Variants in VPS41 observed in about 807,000 individuals in gnomAD.
VPS41 encodes the protein VPS41 subunit of HOPS complex.
Under a neutral mutation model 130.9 loss-of-function variants are expected in VPS41, and 85 were observed. The observed-to-expected ratio is 0.65, with a 90% confidence interval of 0.55 to 0.78. VPS41 has a LOEUF of 0.78. VPS41 is among the 30% of genes least tolerant of loss of function. The pLI is 0.00. For synonymous variants in VPS41, 335 were observed against 332.9 expected (o/e 1.01, Z -0.07); for missense variants, 874 against 1,018.7 (o/e 0.86, Z 1.93).
chr7:38,751,881 C>CTTCTAATATATCAT (rs1181811912), intron 22 of VPS41, among the ~76,000 whole-genome samples: 3 of 152,184 alleles, frequency 2.0e-5, no homozygotes, highest in African/African-American at 7.2e-5. Context: ...TGGACTGAGA[C>CTTCTAATATATCAT]TTCTAATATA....
chr7:38,795,349 T>C, intron 9 of VPS41, 116 bp downstream of exon 9: 1 of 775,300 alleles, frequency 1.3e-6, no homozygotes, highest in South Asian at 2.7e-5. Context: ...CACGTCACAA[T>C]AACATCCAAG....
In VPS41 at chr7:38,756,735, T is replaced by C. The variant is rs540336225; in HGVS notation, c.1695+103A>G. On this transcript the variant is annotated intron_variant, in intron 19 of 28. Coordinates refer to ENST00000310301, the MANE Select transcript of VPS41 (RefSeq NM_014396.4). ...TAAAGATTGTCGGCATAAAGCCAAG[T>C]TATGTGATTCATTCACCAATCCAGC... 1.7e-5 allele frequency: 15 copies of C among 872,712 alleles called. No homozygotes were observed. In the South Asian group the frequency reaches 2.7e-4, roughly 16 times the overall value. 54.1% of individuals were successfully genotyped at this position (872,712 alleles called of 1,614,324 possible).
intron 3 of VPS41, among the ~76,000 whole-genome samples, chr7:38,867,537 C>T (rs1182963628): frequency 1.3e-5 from 2 of 150,472 alleles, no homozygotes; most frequent in Admixed American, 6.6e-5. Context: ...AAGAGTGAGA[C>T]TCCATCTCAA....
intron 4 of VPS41, among the ~76,000 whole-genome samples, chr7:38,847,776 G>A (rs1401306630): frequency 6.6e-6 from 1 of 152,110 alleles, no homozygotes; most frequent in Non-Finnish European, 1.5e-5. Flanking sequence ...TAGGAGTAAA[G>A]GTGTGTTCTT....
intron 6 of VPS41, 147 bp downstream of exon 6, chr7:38,821,056 A>T: frequency 1.6e-6 from 1 of 625,096 alleles, no homozygotes; most frequent in Non-Finnish European, 2.8e-6. Context: ...CTTTCACAGC[A>T]TCTAAATAGT....
intron 3 of VPS41, among the ~76,000 whole-genome samples, chr7:38,867,673 C>T (rs1458708714): frequency 1.3e-5 from 2 of 152,164 alleles, no homozygotes; most frequent in Admixed American, 6.5e-5. Context: ...ATAGAAATGA[C>T]ATCATCCTCT....
chr7:38,783,874 CTA>C (rs3999866), intron 10 of VPS41, among the ~76,000 whole-genome samples: 32,339 of 152,068 alleles, frequency 0.21, 4,399 homozygotes, highest in Non-Finnish European at 0.31. Flanking sequence ...GTATTCAAAC[CTA>C]TGAGACAACA....
At chr7:38,775,982 T>G (rs1206144774) in intron 11 of VPS41, among the ~76,000 whole-genome samples, 1 of 152,146 alleles carries the variant, frequency 6.6e-6, no homozygotes, top group East Asian at 1.9e-4. Context: ...CCCCTATTCT[T>G]GTGCTGGCAG....
chr7:38,789,922 C>T, intron 9 of VPS41, 55 bp from the exon 10 acceptor site: 1 of 1,576,682 alleles, frequency 6.3e-7, no homozygotes, highest in Non-Finnish European at 8.7e-7. Context: ...TTCTTCATAA[C>T]ATTTTATTCA....
chr7:38,830,042 G>A (rs1217872176), intron 5 of VPS41, among the ~76,000 whole-genome samples: 1 of 152,218 alleles, frequency 6.6e-6, no homozygotes, highest in Non-Finnish European at 1.5e-5. Flanking sequence ...CTTAATACTA[G>A]TTACATTATT....
At chr7:38,885,285 G>A (rs1786698699) in intron 2 of VPS41, among the ~76,000 whole-genome samples, 1 of 152,090 alleles carries the variant, frequency 6.6e-6, no homozygotes, top group Non-Finnish European at 1.5e-5. Flanking sequence ...GTATTAGCCA[G>A]GACGGTCTCG....
chr7:38,815,915 A>G (rs1487064522), intron 7 of VPS41, among the ~76,000 whole-genome samples: 1 of 111,606 alleles, frequency 9.0e-6, no homozygotes, highest in Non-Finnish European at 1.8e-5. Flanking sequence ...AATACTCCCC[A>G]ATAAACTACT....
chr7:38,868,292 G>A (rs1160711115), intron 3 of VPS41, among the ~76,000 whole-genome samples: 1 of 152,162 alleles, frequency 6.6e-6, no homozygotes, highest in Non-Finnish European at 1.5e-5. Context: ...GAAGGTTGCT[G>A]GTAAAACATG....
intron 2 of VPS41, among the ~76,000 whole-genome samples, chr7:38,882,171 G>A (rs1023808148): frequency 2.0e-5 from 3 of 152,032 alleles, no homozygotes; most frequent in East Asian, 3.9e-4. Context: ...TAGAATCACC[G>A]GTGGCCTCAC....
chr7:38,810,049 T>G (rs1784912505), intron 7 of VPS41, among the ~76,000 whole-genome samples: 1 of 152,100 alleles, frequency 6.6e-6, no homozygotes, highest in South Asian at 2.1e-4. Context: ...AATTCATTGG[T>G]TCACGTGTTT....
At chr7:38,772,680 C>G in intron 12 of VPS41, 43 bp from the exon 13 acceptor site, 1 of 1,428,508 alleles carries the variant, frequency 7.0e-7, no homozygotes, top group Non-Finnish European at 9.8e-7. Flanking sequence ...GACTGAACAG[C>G]AGAAAACTTG....
At chr7:38,758,917 C>T (rs550407885) in intron 17 of VPS41, among the ~76,000 whole-genome samples, 49 of 148,744 alleles carry the variant, frequency 3.3e-4, no homozygotes, top group African/African-American at 1.3e-3. Context: ...GAGGGTGGTG[C>T]ACCCAAAGAG....
rs554992538 is a variant in VPS41 at position 38,813,338 on chromosome 7, A to G, written c.450+4479T>C. ...AACTTATAGAGAAAGAAAATAGATTAGTGGTTGCCTAGGGATGAGAGGAGG... is the reference window on the plus strand; with the variant it reads ...AACTTATAGAGAAAGAAAATAGATTGGTGGTTGCCTAGGGATGAGAGGAGG... On this transcript the variant is annotated intron_variant, in intron 7 of 28. Coordinates refer to ENST00000310301, the MANE Select transcript of VPS41 (RefSeq NM_014396.4). Among the ~76,000 whole-genome samples, 12 of 152,276 alleles carry G rather than the reference A, an allele frequency of 7.9e-5. 1 individual carries two copies. In the South Asian group the frequency reaches 2.1e-3, roughly 26 times the overall value.
intron 4 of VPS41, among the ~76,000 whole-genome samples, chr7:38,835,105 T>G (rs1785466409): frequency 6.6e-6 from 1 of 152,022 alleles, no homozygotes; most frequent in Admixed American, 6.5e-5. Context: ...ATTTCATATT[T>G]GCAAATATAC....
Sources: gnomAD v4.1 joint callset for allele counts (sites outside exome capture counted in the v4.1 genomes callset) on GRCh38, gnomAD v4.1.1 for gene constraint, MANE v1.5 for transcripts, NCBI Gene and HGNC (gene_info 2026-07-23, HGNC 2026-07-21) for gene names.